Variants in SLC16A1 observed in about 807,000 individuals in gnomAD.
SLC16A1 encodes monocarboxylate transporter 1.
SLC16A1 carries 11 observed loss-of-function variants against 32.2 expected under a neutral mutation model. The ratio of observed to expected loss-of-function variants is 0.34; its 90% CI spans 0.21 to 0.56. SLC16A1 has a LOEUF of 0.56. Ranked by LOEUF, SLC16A1 falls within the 20% of genes least tolerant of loss-of-function variation. SLC16A1 has a pLI of 0.87. For missense variants in SLC16A1, 435 were observed against 615.0 expected, an observed-to-expected ratio of 0.71 and a Z score of 3.10; for synonymous variants, 231 against 226.8, an observed-to-expected ratio of 1.02 and a Z score of -0.17.
At chr1:112,919,479 C>T (rs964749886) in intron 3 of SLC16A1, among the ~76,000 whole-genome samples, 2 of 151,570 alleles carry the variant, frequency 1.3e-5, no homozygotes, top group African/African-American at 4.9e-5. Flanking sequence ...GTGGGACCAA[C>T]CAGAACAAAT....
intron 1 of SLC16A1, among the ~76,000 whole-genome samples, chr1:112,943,113 G>A (rs898788110): frequency 6.6e-6 from 1 of 152,180 alleles, no homozygotes; most frequent in African/African-American, 2.4e-5. Context: ...TATTTAGGGA[G>A]AATGAGGCTA....
intron 1 of SLC16A1, among the ~76,000 whole-genome samples, chr1:112,931,521 C>A (rs896901726): frequency 6.6e-6 from 1 of 151,576 alleles, no homozygotes; most frequent in African/African-American, 2.4e-5. Context: ...TGGCATGCGA[C>A]TGTAGTCCCA....
At chr1:112,939,970 G>A (rs1649448375) in intron 1 of SLC16A1, among the ~76,000 whole-genome samples, 2 of 150,054 alleles carry the variant, frequency 1.3e-5, no homozygotes, top group South Asian at 2.1e-4. Flanking sequence ...GGAAAAGGGA[G>A]TATTTTAATA....
chr1:112,941,958 G>C (rs943118737), intron 1 of SLC16A1, among the ~76,000 whole-genome samples: 3 of 151,984 alleles, frequency 2.0e-5, no homozygotes, highest in Non-Finnish European at 4.4e-5. Context: ...TCTGTCCACT[G>C]CAGTTCAAGT....
At chr1:112,938,012 T>C (rs1015490153) in intron 1 of SLC16A1, among the ~76,000 whole-genome samples, 4 of 152,152 alleles carry the variant, frequency 2.6e-5, no homozygotes, top group Non-Finnish European at 5.9e-5. Flanking sequence ...CTGTGCTCCA[T>C]ACCTGCCATG....
chr1:112,921,821 C>T (rs1648745677), intron 3 of SLC16A1, among the ~76,000 whole-genome samples, 169 bp downstream of exon 3: 1 of 152,154 alleles, frequency 6.6e-6, no homozygotes, highest in African/African-American at 2.4e-5. Flanking sequence ...ATGGCAATTT[C>T]TTTAAAAGTT....
At chr1:112,947,158 G>T (rs1649733984) in intron 1 of SLC16A1, among the ~76,000 whole-genome samples, 1 of 152,066 alleles carries the variant, frequency 6.6e-6, no homozygotes, top group Non-Finnish European at 1.5e-5. Flanking sequence ...TTATATTCTG[G>T]AATAAATAAT....
intron 3 of SLC16A1, among the ~76,000 whole-genome samples, chr1:112,919,314 G>C (rs145638363): frequency 6.6e-6 from 1 of 152,114 alleles, no homozygotes; most frequent in African/African-American, 2.4e-5. Context: ...GATTACAGGC[G>C]TAAGCCACCG....
rs568995367 is a variant in SLC16A1, at chr1:112,925,181, T to C, written c.218-3048A>G. Among the ~76,000 whole-genome samples the C allele has an allele frequency of 1.1e-3, 164 of 152,312 alleles. 1 individual carries two copies. Among genetic ancestry groups the C allele is most frequent in the Non-Finnish European group, 2.1e-3 (144 of 68,038 alleles). The stretch of plus-strand genomic sequence containing the variant: ...ACAAGAAAATATTTTATGCATTTCA[T>C]GTATCAGTTTTTTGCGACCAGTCTC... On this transcript the variant is annotated intron_variant, in intron 2 of 4. Coordinates refer to ENST00000369626, the MANE Select transcript of SLC16A1 (RefSeq NM_003051.4).
At chr1:112,940,653 T>TG (rs1649476657) in intron 1 of SLC16A1, among the ~76,000 whole-genome samples, 1 of 152,126 alleles carries the variant, frequency 6.6e-6, no homozygotes. Context: ...CTGGAAAGGA[T>TG]GGTCAGAGAT....
intron 1 of SLC16A1, among the ~76,000 whole-genome samples, chr1:112,939,738 C>T (rs552528171): frequency 1.4e-4 from 21 of 152,058 alleles, no homozygotes; most frequent in Admixed American, 2.6e-4. Context: ...CTCCTGACCT[C>T]AGGTGATCCA....
intron 1 of SLC16A1, among the ~76,000 whole-genome samples, chr1:112,934,964 A>G (rs1015948549): frequency 2.0e-5 from 3 of 152,244 alleles, no homozygotes; most frequent in Admixed American, 6.5e-5. Context: ...GACACTCAGG[A>G]ACTATAGGCA....
intron 1 of SLC16A1, among the ~76,000 whole-genome samples, chr1:112,948,862 G>A (rs1230222516): frequency 2.6e-5 from 4 of 151,584 alleles, no homozygotes; most frequent in East Asian, 1.9e-4. Flanking sequence ...ACAGAGTCTC[G>A]CTCTGTTGCC....
intron 1 of SLC16A1, among the ~76,000 whole-genome samples, chr1:112,938,894 CT>C (rs1403554964): frequency 6.8e-6 from 1 of 147,084 alleles, no homozygotes; most frequent in Non-Finnish European, 1.5e-5. Flanking sequence ...TTTTTTTTAC[CT>C]TTTTTTCTTT....
chr1:112,917,258 C>T lies in SLC16A1; in HGVS notation c.1148G>A (p.Gly383Glu). ...VLFETLMDLV[G>E]PQRFSSAVGL... ...CACAGCGCTGGAGAACCTCTGGGGTCCAACAAGGTCCATCAATGTTTCAAA... is the reference window on the plus strand; with the variant it reads ...CACAGCGCTGGAGAACCTCTGGGGTTCAACAAGGTCCATCAATGTTTCAAA... The change falls in exon 4 of 5, where the codon GGA becomes GAA. Residue 383 changes from glycine to glutamate, a missense_variant. Physicochemically the swap from Gly to Glu is moderately conservative, Grantham distance 98 (BLOSUM62 -2). This residue lies in a region of SLC16A1 where 324 missense variants were observed against 500.3 expected (regional missense o/e 0.65). Coordinates refer to ENST00000369626, the MANE Select transcript of SLC16A1 (RefSeq NM_003051.4). This position sits in a 1 kb window ranked among gnomAD's most constrained non-coding sequence, Gnocchi z 4.1. 1 of 1,614,154 alleles carries T rather than the reference C, an allele frequency of 6.2e-7. No homozygotes were observed. The highest frequency in any genetic ancestry group is 8.5e-7 in the Non-Finnish European group (1 of 1,180,038).
chr1:112,935,152 T>G lies in SLC16A1; in HGVS notation c.-44-5800A>C, dbSNP rs111693609. On this transcript the variant is annotated intron_variant, in intron 1 of 4. Transcript: ENST00000369626. ...AAAGTTAGCCAGGCATGGTGGCTTGTGCCTGTAATCCCAACACTTTGGGAG... is the reference window on the plus strand; with the variant it reads ...AAAGTTAGCCAGGCATGGTGGCTTGGGCCTGTAATCCCAACACTTTGGGAG... Among the ~76,000 whole-genome samples the G allele has an allele frequency of 6.3e-3, 962 of 152,338 alleles. 9 individuals carry two copies. The highest frequency in any genetic ancestry group is 0.022 in the African/African-American group (914 of 41,584).
chr1:112,914,057 C>T lies in SLC16A1; in HGVS notation c.1337G>A (p.Arg446Gln), dbSNP rs760585899. The change falls in exon 5 of 5, where the codon CGA (arginine) becomes CAA (glutamine). Residue 446 changes from arginine (R) to glutamine (Q), a missense_variant. Physicochemically the swap from Arg to Gln is conservative, Grantham distance 43. This residue lies in a region of SLC16A1 where 111 missense variants were observed against 114.7 expected (regional missense o/e 0.97). Transcript: ENST00000369626. ...YLFIGMGINY[R>Q]LLAKEQKANE... is the part of the protein sequence containing the mutation. The stretch of plus-strand genomic sequence containing the variant: ...TGCTTTCTGTTCTTTTGCCAAAAGT[C>T]GATAATTGATGCCCATGCCAATGAA... 1.5e-5 allele frequency: 25 copies of T among 1,613,924 alleles called. No individual in the cohort carries two copies. Among genetic ancestry groups the T allele is most frequent in the Middle Eastern group, 1.6e-4 (1 of 6,084 alleles).
chr1:112,914,261 A>G (rs767113128), intron 4 of SLC16A1, 96 bp from the exon 5 acceptor site: 32 of 1,346,290 alleles, frequency 2.4e-5, no homozygotes, highest in Non-Finnish European at 3.1e-5. Flanking sequence ...AAAGATGTCA[A>G]TCCAATCTTT....
chr1:112,943,318 G>A (rs1342639375), intron 1 of SLC16A1, among the ~76,000 whole-genome samples: 5 of 152,028 alleles, frequency 3.3e-5, no homozygotes, highest in Admixed American at 1.3e-4. Flanking sequence ...CTACTCAGAA[G>A]ACTCTCTTGA....
Sources: gnomAD v4.1 joint callset for allele counts (sites outside exome capture counted in the v4.1 genomes callset) on GRCh38, gnomAD v4.1.1 for gene constraint, gnomAD v4.1.1 regional missense constraint, Gnocchi (gnomAD v3.1) non-coding constraint, MANE v1.5 for transcripts, NCBI Gene and HGNC (gene_info 2026-07-23, HGNC 2026-07-21) for gene names.